PCDHA6: variants seen among roughly 807,000 people sequenced by gnomAD.
PCDHA6 encodes the protein protocadherin alpha-6.
PCDHA6 carries 55 observed loss-of-function variants against 60.3 expected under a neutral mutation model. The observed-to-expected ratio is 0.91, with a 90% CI of 0.73 to 1.14. PCDHA6 has a LOEUF of 1.14. Ranked by LOEUF, PCDHA6 falls within the 50% of genes most tolerant of loss-of-function variation. The pLI is 0.00. For missense variants in PCDHA6, 1,327 were observed against 1,256.5 expected, an observed-to-expected ratio of 1.06 and a Z score of -0.85; for synonymous variants, 652 against 557.9, an observed-to-expected ratio of 1.17 and a Z score of -2.38.
intron 1 of PCDHA6, chr5:140,877,117 G>T (rs781979355): frequency 6.8e-6 from 11 of 1,613,720 alleles, no homozygotes; most frequent in Admixed American, 3.3e-5. Flanking sequence ...GGGCAGCAAC[G>T]TGACGCTGCA....
intron 3 of PCDHA6, among the ~76,000 whole-genome samples, chr5:140,988,287 C>A (rs2097291303): frequency 6.6e-6 from 1 of 152,240 alleles, no homozygotes; most frequent in Non-Finnish European, 1.5e-5. Context: ...TGCCATCTGA[C>A]AGCCCAGGAG....
At chr5:140,837,012 C>T in intron 1 of PCDHA6, 1 of 303,606 alleles carries the variant, frequency 3.3e-6, no homozygotes, top group South Asian at 7.9e-5. Context: ...AATGGATTCA[C>T]CTTTCTTCTA....
In PCDHA6 at chr5:140,846,169, C is replaced by A. The variant is rs2150385280; in HGVS notation, c.2394+15684C>A. On this transcript the variant is annotated intron_variant, in intron 1 of 3. Coordinates refer to ENST00000529310, the MANE Select transcript of PCDHA6 (RefSeq NM_018909.4). ...AAAGTTGCCTGAGATCCTGCAGAGG[C>A]CTGAGTAGGCGTTTGAGTTCTTTGT... Among the ~76,000 whole-genome samples the A allele has an allele frequency of 6.7e-5, 10 of 149,346 alleles. 2 individuals carry two copies. Among genetic ancestry groups the A allele is most frequent in the Admixed American group, 1.3e-4 (2 of 14,894 alleles).
chr5:140,837,386 T>C (rs1207161935), intron 1 of PCDHA6, among the ~76,000 whole-genome samples: 1 of 152,036 alleles, frequency 6.6e-6, no homozygotes, highest in Non-Finnish European at 1.5e-5. Context: ...ATTTTGTTCC[T>C]TGTTTGTATA....
intron 3 of PCDHA6, among the ~76,000 whole-genome samples, chr5:140,986,774 A>G (rs1201484926): frequency 6.6e-6 from 1 of 152,226 alleles, no homozygotes; most frequent in Non-Finnish European, 1.5e-5. Context: ...TTAATTAGGT[A>G]GCGGAAGCCA....
intron 1 of PCDHA6, chr5:140,967,400 C>T: frequency 6.2e-7 from 1 of 1,611,718 alleles, no homozygotes; most frequent in South Asian, 1.1e-5. Context: ...GCTGGTGCTG[C>T]GTAAGGGCCT....
intron 3 of PCDHA6, among the ~76,000 whole-genome samples, chr5:141,003,371 G>A (rs782012251): frequency 2.0e-5 from 3 of 152,148 alleles, no homozygotes; most frequent in African/African-American, 7.2e-5. Flanking sequence ...GAGTGCAGTG[G>A]TGCAATCTCA....
chr5:140,841,219 G>C (rs2150312047), intron 1 of PCDHA6: 33 of 1,437,984 alleles, frequency 2.3e-5, no homozygotes, highest in Admixed American at 4.6e-5. Flanking sequence ...TCTAAAGGCC[G>C]AACAACGGGA....
Position 140,982,346 on chromosome 5 carries a change from G to T in PCDHA6, c.2454-129G>T, listed in dbSNP as rs1484322650. On this transcript the variant is annotated intron_variant, in intron 2 of 3. Coordinates refer to ENST00000529310, the MANE Select transcript of PCDHA6 (RefSeq NM_018909.4). ...TGACTGCTCAGCAGTAATTGCTTCA[G>T]TTCAAGCATGAGCAGAATGTGTTAG... 2.7e-6 allele frequency: 4 copies of T among 1,492,344 alleles called. No homozygotes were observed. The Admixed American group carries it at 8.5e-5, about 32-fold the overall frequency. The allele number at this position is 1,492,344 out of a possible 1,614,324, so 92.4% of individuals were successfully genotyped here. A position where few individuals can be genotyped will look rare whatever the true frequency, so the allele number is the denominator to read the frequency against.
At position 140,853,046 on chromosome 5, in the gene PCDHA6, T is replaced by C. The variant is rs2150527902; in HGVS notation, c.2394+22561T>C. 4 of 266,690 alleles carry C rather than the reference T, an allele frequency of 1.5e-5. No individual in the cohort carries two copies. The South Asian group carries it at 5.7e-4, about 38-fold the overall frequency. The allele number at this position is 266,690 out of a possible 1,614,324, so 16.5% of individuals were successfully genotyped here. On this transcript the variant is annotated intron_variant, in intron 1 of 3. Transcript: ENST00000529310. ...GGCGCCTGCCACCATGCCCGCCTAA[T>C]TTTTTTGTATTTTTAGTAGAGATGG...
intron 3 of PCDHA6, among the ~76,000 whole-genome samples, chr5:140,987,520 G>T (rs1221115195): frequency 2.0e-5 from 3 of 152,106 alleles, no homozygotes; most frequent in Non-Finnish European, 4.4e-5. Context: ...CTCAGTAATT[G>T]TATGTTCCTG....
intron 1 of PCDHA6, chr5:140,858,337 C>G (rs782748390): frequency 6.3e-7 from 1 of 1,595,568 alleles, no homozygotes; most frequent in Admixed American, 1.7e-5. Context: ...AGGGCCTGCC[C>G]AAGGCGGACC....
intron 1 of PCDHA6, chr5:140,851,727 T>C (rs1216544821): frequency 1.0e-6 from 1 of 969,522 alleles, no homozygotes; most frequent in Non-Finnish European, 1.2e-6. Flanking sequence ...AACTTCGAGT[T>C]CTTTTGAAAT....
chr5:140,870,155 T>C (rs1554163855), intron 1 of PCDHA6: 4 of 1,614,014 alleles, frequency 2.5e-6, no homozygotes, highest in Non-Finnish European at 3.4e-6. Flanking sequence ...GAAGTCGCCG[T>C]GACTTCCTTG....
chr5:140,857,222 G>A (rs373834853), intron 1 of PCDHA6: 1 of 1,598,456 alleles, frequency 6.3e-7, no homozygotes, highest in Non-Finnish European at 8.6e-7. Flanking sequence ...GACGCCTCAC[G>A]TTCCGTTCAA....
intron 1 of PCDHA6, chr5:140,967,890 C>G: frequency 6.2e-7 from 1 of 1,614,176 alleles, no homozygotes; most frequent in Non-Finnish European, 8.5e-7. Context: ...AGCCCAGTGC[C>G]TGAGAATGCT....
At chr5:140,882,087 C>A in intron 1 of PCDHA6, 2 of 1,081,718 alleles carry the variant, frequency 1.8e-6, no homozygotes, top group Non-Finnish European at 2.6e-6. Flanking sequence ...TCGCTCTTCA[C>A]TGAGAACGTT....
chr5:140,967,087 G>A (rs782556858), intron 1 of PCDHA6: 5 of 1,613,256 alleles, frequency 3.1e-6, no homozygotes, highest in South Asian at 1.1e-5. Flanking sequence ...GCATTGATCG[G>A]GAGGCGCTGT....
chr5:140,884,260 G>A (rs781862611), intron 1 of PCDHA6: 19 of 1,613,410 alleles, frequency 1.2e-5, no homozygotes, highest in Non-Finnish European at 1.5e-5. Flanking sequence ...CCACGGCAAC[G>A]GTGCTGTTGT....
Sources: gnomAD v4.1 joint callset for allele counts (sites outside exome capture counted in the v4.1 genomes callset) on GRCh38, gnomAD v4.1.1 for gene constraint, MANE v1.5 for transcripts, NCBI Gene and HGNC (gene_info 2026-07-23, HGNC 2026-07-21) for gene names.